Variants in KHDRBS2 observed in about 807,000 individuals in gnomAD.
KHDRBS2 encodes the protein KH RNA binding domain containing, signal transduction associated 2, also known as KH domain-containing, RNA-binding, signal transduction-associated protein 2.
Under a neutral mutation model 44.3 loss-of-function variants are expected in KHDRBS2, and 26 were observed. The observed-to-expected ratio is 0.59, with a 90% CI of 0.43 to 0.81. The LOEUF is 0.81. Among genes scored for constraint, KHDRBS2 ranks in the 40% least tolerant of loss-of-function variants. The pLI, the probability that KHDRBS2 is intolerant of heterozygous loss-of-function variation, is 0.00. For synonymous variants in KHDRBS2, 194 were observed against 151.1 expected (o/e 1.28, Z -2.08); for missense variants, 476 against 433.1 (o/e 1.10, Z -0.88).
chr6:62,098,317 A>G (rs751496268), intron 2 of KHDRBS2, among the ~76,000 whole-genome samples: 9 of 142,162 alleles, frequency 6.3e-5, no homozygotes, highest in Non-Finnish European at 1.4e-4. Context: ...AGAATTTCTT[A>G]TAAGACAGAT....
intron 2 of KHDRBS2, among the ~76,000 whole-genome samples, chr6:62,134,065 A>G (rs1244720437): frequency 6.6e-6 from 1 of 152,222 alleles, no homozygotes; most frequent in Admixed American, 6.5e-5. Context: ...ATAAATTTGC[A>G]TAAGTAATGA....
intron 6 of KHDRBS2, among the ~76,000 whole-genome samples, chr6:61,811,575 A>G (rs765244899): frequency 1.3e-5 from 2 of 152,144 alleles, no homozygotes; most frequent in South Asian, 4.1e-4. Context: ...CCAACAGTAT[A>G]TAAGTGTTCC....
the KHDRBS2 span, among the ~76,000 whole-genome samples, chr6:61,546,047 T>G: frequency 6.6e-6 from 1 of 152,136 alleles, no homozygotes; most frequent in Non-Finnish European, 1.5e-5. Flanking sequence ...AGCTGACTAA[T>G]ACAGTCTCTC....
At chr6:61,927,505 G>A (rs1475330359) in intron 4 of KHDRBS2, among the ~76,000 whole-genome samples, 1 of 151,986 alleles carries the variant, frequency 6.6e-6, no homozygotes, top group Admixed American at 6.6e-5. Flanking sequence ...AACCTTTTAC[G>A]TAGTCTCCAA....
intron 3 of KHDRBS2, among the ~76,000 whole-genome samples, chr6:61,992,709 T>C (rs1376131665): frequency 6.6e-6 from 1 of 152,184 alleles, no homozygotes; most frequent in Non-Finnish European, 1.5e-5. Context: ...AGAACATGTA[T>C]AATCTCTACA....
At chr6:61,815,477 T>A (rs73476645) in intron 6 of KHDRBS2, among the ~76,000 whole-genome samples, 8,878 of 152,206 alleles carry the variant, frequency 0.058, 884 homozygotes, top group African/African-American at 0.2. Context: ...GTATGTACTT[T>A]ATGGTTTTAG....
intron 1 of KHDRBS2, among the ~76,000 whole-genome samples, chr6:62,236,920 T>C (rs980710143): frequency 6.6e-6 from 1 of 152,162 alleles, no homozygotes; most frequent in Non-Finnish European, 1.5e-5. Flanking sequence ...ATTTTTTTCA[T>C]ACAAAAGAAC....
chr6:61,737,106 T>C (rs1396065096), intron 6 of KHDRBS2, among the ~76,000 whole-genome samples: 3 of 152,100 alleles, frequency 2.0e-5, no homozygotes, highest in Admixed American at 6.6e-5. Flanking sequence ...AGCTAAAAGA[T>C]AAATGTTTCA....
At chr6:61,732,537 G>A (rs1426748104) in intron 7 of KHDRBS2, 145 bp downstream of exon 7, 3 of 622,512 alleles carry the variant, frequency 4.8e-6, no homozygotes, top group Non-Finnish European at 8.6e-6. Context: ...CTCACAGTCT[G>A]GTAAGCAACT....
At chr6:62,243,522 ATTTTACGTGACACT>A (rs1396770616) in intron 1 of KHDRBS2, among the ~76,000 whole-genome samples, 1 of 150,990 alleles carries the variant, frequency 6.6e-6, no homozygotes, top group Non-Finnish European at 1.5e-5. Flanking sequence ...AAAGATTATT[ATTTTACGTGACACT>A]TTTACTCTGA....
chr6:61,777,895 T>C (rs1782344303), intron 6 of KHDRBS2, among the ~76,000 whole-genome samples: 1 of 152,128 alleles, frequency 6.6e-6, no homozygotes. Flanking sequence ...TGAAGGTTTG[T>C]TGTAAAGGTA....
At chr6:61,866,493 G>A (rs1238954911) in intron 6 of KHDRBS2, among the ~76,000 whole-genome samples, 1 of 152,210 alleles carries the variant, frequency 6.6e-6, no homozygotes. Context: ...AGGGGCTGCT[G>A]TGAAAACCTC....
chr6:61,869,992 A>C (rs1798426959), intron 6 of KHDRBS2, among the ~76,000 whole-genome samples: 1 of 40,798 alleles, frequency 2.5e-5, no homozygotes, highest in Non-Finnish European at 4.7e-5. Flanking sequence ...TTTTTTCCCC[A>C]TACTACAGTG....
chr6:62,248,630 T>C (rs1377887845), intron 1 of KHDRBS2, among the ~76,000 whole-genome samples: 1 of 152,070 alleles, frequency 6.6e-6, no homozygotes, highest in Non-Finnish European at 1.5e-5. Context: ...AGTGCTGGGA[T>C]TACAGTCATG....
chr6:62,230,365 G>A (rs978787660), intron 1 of KHDRBS2, among the ~76,000 whole-genome samples: 1 of 152,132 alleles, frequency 6.6e-6, no homozygotes, highest in Non-Finnish European at 1.5e-5. Context: ...TCTCTAAATT[G>A]ATAGAAAATT....
chr6:61,705,321 A>G (rs1561996258), intron 7 of KHDRBS2, among the ~76,000 whole-genome samples: 1 of 151,810 alleles, frequency 6.6e-6, no homozygotes, highest in Non-Finnish European at 1.5e-5. Context: ...AGTAATCTGT[A>G]TCTTTAACAT....
At chr6:61,623,435 T>C in the KHDRBS2 span, among the ~76,000 whole-genome samples, 1 of 152,252 alleles carries the variant, frequency 6.6e-6, no homozygotes, top group African/African-American at 2.4e-5. Flanking sequence ...GGCAGAATAA[T>C]ATATGCCTTC....
intron 2 of KHDRBS2, among the ~76,000 whole-genome samples, chr6:62,063,432 T>C (rs1157983807): frequency 1.3e-5 from 2 of 151,388 alleles, no homozygotes; most frequent in Middle Eastern, 3.4e-3. Flanking sequence ...TTACCCACCA[T>C]GATCAAGTGG....
intron 3 of KHDRBS2, among the ~76,000 whole-genome samples, chr6:62,007,374 G>T (rs944975016): frequency 1.3e-5 from 2 of 150,864 alleles, no homozygotes; most frequent in South Asian, 4.2e-4. Flanking sequence ...AGATTACTTT[G>T]TTGGTTAAAG....
Sources: gnomAD v4.1 joint callset for allele counts (sites outside exome capture counted in the v4.1 genomes callset) on GRCh38, gnomAD v4.1.1 for gene constraint, MANE v1.5 for transcripts, NCBI Gene and HGNC (gene_info 2026-07-23, HGNC 2026-07-21) for gene names.